The following FBXL17 variants were observed in gnomAD, a reference collection of about 807,000 sequenced individuals.
The protein encoded by FBXL17 is F-box and leucine rich repeat protein 17, also known as F-box/LRR-repeat protein 17.
Under a neutral mutation model 66.2 loss-of-function variants are expected in FBXL17, and 22 were observed. The observed-to-expected ratio is 0.33, with a 90% CI of 0.24 to 0.47. The LOEUF (loss-of-function observed/expected upper bound fraction) is 0.47, where lower values mean the gene tolerates loss of function less well. Among genes scored for constraint, FBXL17 ranks in the 20% least tolerant of loss-of-function variants. The pLI, the probability that FBXL17 is intolerant of heterozygous loss-of-function variation, is 1.00. For missense variants in FBXL17, 878 were observed against 948.2 expected, an observed-to-expected ratio of 0.93 and a Z score of 0.97; for synonymous variants, 474 against 400.5, an observed-to-expected ratio of 1.18 and a Z score of -2.19.
At chr5:108,305,315 C>T (rs1045418698) in intron 4 of FBXL17, among the ~76,000 whole-genome samples, 13 of 151,908 alleles carry the variant, frequency 8.6e-5, no homozygotes, top group African/African-American at 2.9e-4. Context: ...CACACTGGGG[C>T]CCACTGGAGG....
At chr5:108,019,305 T>C (rs1192397734) in intron 7 of FBXL17, among the ~76,000 whole-genome samples, 1 of 152,144 alleles carries the variant, frequency 6.6e-6, no homozygotes, top group Non-Finnish European at 1.5e-5. Flanking sequence ...CCAGAGCTTT[T>C]TACCTTCTCA....
chr5:108,071,864 A>T (rs955050259), intron 6 of FBXL17, among the ~76,000 whole-genome samples: 1 of 152,096 alleles, frequency 6.6e-6, no homozygotes, highest in South Asian at 2.1e-4. Context: ...AATTACCTAA[A>T]TCACAAAATT....
At chr5:108,117,560 G>A (rs1750311358) in intron 6 of FBXL17, among the ~76,000 whole-genome samples, 1 of 152,108 alleles carries the variant, frequency 6.6e-6, no homozygotes, top group African/African-American at 2.4e-5. Context: ...CTATGAGTAT[G>A]CCTTTCACGT....
At chr5:107,902,695 T>C (rs1231802974) in intron 7 of FBXL17, among the ~76,000 whole-genome samples, 1 of 152,200 alleles carries the variant, frequency 6.6e-6, no homozygotes, top group Non-Finnish European at 1.5e-5. Flanking sequence ...AAAATATCTT[T>C]TAGTACTTTC....
At chr5:108,338,796 C>T (rs1256214573) in intron 4 of FBXL17, among the ~76,000 whole-genome samples, 3 of 152,162 alleles carry the variant, frequency 2.0e-5, no homozygotes, top group Non-Finnish European at 4.4e-5. Context: ...ATACATCCTT[C>T]TACTGCCTGT....
intron 6 of FBXL17, among the ~76,000 whole-genome samples, chr5:108,122,320 A>T (rs1750535960): frequency 6.6e-6 from 1 of 152,222 alleles, no homozygotes; most frequent in East Asian, 1.9e-4. Context: ...CTAATACATA[A>T]CAAAGCCAGG....
intron 3 of FBXL17, among the ~76,000 whole-genome samples, chr5:108,363,565 GAGA>G (rs1215659359): frequency 1.3e-5 from 2 of 152,060 alleles, no homozygotes; most frequent in East Asian, 3.9e-4. Flanking sequence ...TCACATTCTA[GAGA>G]AGATTTACAT....
chr5:108,047,357 C>T (rs1714427749), intron 6 of FBXL17, among the ~76,000 whole-genome samples: 1 of 152,190 alleles, frequency 6.6e-6, no homozygotes, highest in Non-Finnish European at 1.5e-5. Context: ...GACCTAGGGT[C>T]CCAACCCCAG....
intron 7 of FBXL17, among the ~76,000 whole-genome samples, chr5:107,909,696 C>A (rs1399896112): frequency 6.6e-6 from 1 of 152,110 alleles, no homozygotes; most frequent in Non-Finnish European, 1.5e-5. Flanking sequence ...CATCCTCACC[C>A]AGTGAATTCT....
intron 3 of FBXL17, among the ~76,000 whole-genome samples, chr5:108,355,894 C>A (rs1747954311): frequency 6.6e-6 from 1 of 152,118 alleles, no homozygotes. Flanking sequence ...CAGAAATAAT[C>A]TCTTTAAACA....
At chr5:108,204,392 C>T (rs1359589529) in intron 5 of FBXL17, among the ~76,000 whole-genome samples, 1 of 151,878 alleles carries the variant, frequency 6.6e-6, no homozygotes. Flanking sequence ...ATATTAATAG[C>T]CCAGGCTGGT....
At chr5:107,865,351 T>C (rs1360596789) in intron 8 of FBXL17, among the ~76,000 whole-genome samples, 1 of 152,248 alleles carries the variant, frequency 6.6e-6, no homozygotes, top group Non-Finnish European at 1.5e-5. Flanking sequence ...TATGGATTTA[T>C]GAAGTATACA....
intron 6 of FBXL17, among the ~76,000 whole-genome samples, chr5:108,160,552 GT>G (rs1374269907): frequency 1.1e-4 from 17 of 152,254 alleles, no homozygotes; most frequent in Non-Finnish European, 1.9e-4. Context: ...AAGAAGAATA[GT>G]TTTTCATAAA....
intron 6 of FBXL17, among the ~76,000 whole-genome samples, chr5:108,115,381 T>A (rs1003271842): frequency 2.4e-4 from 37 of 152,236 alleles, no homozygotes; most frequent in Admixed American, 4.6e-4. Flanking sequence ...AAATTTTTTT[T>A]AAAAAAGCTC....
intron 4 of FBXL17, among the ~76,000 whole-genome samples, chr5:108,315,828 C>A (rs1222208105): frequency 1.3e-5 from 2 of 151,072 alleles, no homozygotes; most frequent in Admixed American, 6.6e-5. Flanking sequence ...ATTTAAAGAC[C>A]AATTAACATG....
chr5:108,243,573 G>C (rs1755959125), intron 4 of FBXL17, among the ~76,000 whole-genome samples: 1 of 152,164 alleles, frequency 6.6e-6, no homozygotes, highest in Non-Finnish European at 1.5e-5. Flanking sequence ...CGTGAGCCTA[G>C]TAGGTATTTC....
At chr5:108,327,906 A>G (rs1580823922) in intron 4 of FBXL17, among the ~76,000 whole-genome samples, 2 of 152,316 alleles carry the variant, frequency 1.3e-5, no homozygotes, top group Middle Eastern at 3.4e-3. Flanking sequence ...GACAGTTCAC[A>G]TACACAGAGT....
At chr5:108,284,526 C>A (rs557991869) in intron 4 of FBXL17, among the ~76,000 whole-genome samples, 1 of 151,528 alleles carries the variant, frequency 6.6e-6, no homozygotes, top group Non-Finnish European at 1.5e-5. Context: ...GAGTGTGGAA[C>A]AATAGATAAG....
chr5:108,363,673 C>T (rs539062425), intron 3 of FBXL17, among the ~76,000 whole-genome samples: 1 of 152,022 alleles, frequency 6.6e-6, no homozygotes, highest in South Asian at 2.1e-4. Context: ...TGACTACGAT[C>T]TTATTCTTTT....
Sources: gnomAD v4.1 joint callset for allele counts (sites outside exome capture counted in the v4.1 genomes callset) on GRCh38, gnomAD v4.1.1 for gene constraint, MANE v1.5 for transcripts, NCBI Gene and HGNC (gene_info 2026-07-23, HGNC 2026-07-21) for gene names.